The following CDH13 variants were observed in gnomAD, a reference collection of about 807,000 sequenced individuals.
The protein encoded by CDH13 is cadherin-13.
Under a neutral mutation model 63.8 loss-of-function variants are expected in CDH13, and 24 were observed. The observed-to-expected ratio is 0.38, with a 90% CI of 0.27 to 0.53. CDH13 has a LOEUF of 0.53. Among genes scored for constraint, CDH13 ranks in the 20% least tolerant of loss-of-function variants. The pLI is 0.85. For missense variants in CDH13, 1,049 were observed against 903.1 expected, an observed-to-expected ratio of 1.16 and a Z score of -2.07; for synonymous variants, 503 against 355.3, an observed-to-expected ratio of 1.42 and a Z score of -4.67.
At chr16:82,738,427 T>C (rs1413127291) in intron 1 of CDH13, among the ~76,000 whole-genome samples, 2 of 152,136 alleles carry the variant, frequency 1.3e-5, no homozygotes. Context: ...TCACCTGAAA[T>C]CTCTCTCATT....
chr16:83,554,991 C>T (rs2075575359), intron 7 of CDH13, among the ~76,000 whole-genome samples: 1 of 151,374 alleles, frequency 6.6e-6, no homozygotes, highest in Non-Finnish European at 1.5e-5. Context: ...GAGGCCACCC[C>T]TGTGCCACAC....
At chr16:83,770,494 G>A (rs1433254317) in intron 11 of CDH13, among the ~76,000 whole-genome samples, 4 of 152,278 alleles carry the variant, frequency 2.6e-5, no homozygotes, top group South Asian at 2.1e-4. Context: ...TAGATCTCAC[G>A]CAAGAAAGAA....
At position 83,718,893 on chromosome 16, in the gene CDH13, A is replaced by G. The variant is rs1909302026; in HGVS notation, c.1539-29215A>G. On this transcript the variant is annotated intron_variant, in intron 10 of 13. Coordinates refer to ENST00000567109, the MANE Select transcript of CDH13 (RefSeq NM_001257.5). The stretch of plus-strand genomic sequence containing the variant: ...GAGCTGAGGTATAAGTACCCCAGTC[A>G]TTGGGTGAGGGTTGCTCCTGAGAGA... Among the ~76,000 whole-genome samples, 3 of 152,152 alleles carry G rather than the reference A, an allele frequency of 2.0e-5. No homozygotes were observed. In the South Asian group the frequency reaches 6.2e-4, roughly 32 times the overall value.
At chr16:82,672,794 CACACACAT>C (rs1211620495) in intron 1 of CDH13, among the ~76,000 whole-genome samples, 94 of 148,552 alleles carry the variant, frequency 6.3e-4, no homozygotes, top group African/African-American at 2.2e-3. Context: ...CACACACACA[CACACACAT>C]ACACACACAC....
intron 11 of CDH13, among the ~76,000 whole-genome samples, chr16:83,757,054 A>C (rs1001229640): frequency 2.6e-5 from 4 of 152,242 alleles, no homozygotes; most frequent in Non-Finnish European, 5.9e-5. Context: ...AACGTTTTTA[A>C]CTGCAATTAT....
At chr16:82,829,862 T>C (rs1025829947) in intron 1 of CDH13, among the ~76,000 whole-genome samples, 3 of 152,232 alleles carry the variant, frequency 2.0e-5, no homozygotes, top group Non-Finnish European at 4.4e-5. Flanking sequence ...CTGCTGAAGC[T>C]TTCTCATCAT....
intron 7 of CDH13, among the ~76,000 whole-genome samples, chr16:83,596,875 A>C (rs1907311955): frequency 6.6e-6 from 1 of 152,178 alleles, no homozygotes; most frequent in African/African-American, 2.4e-5. Context: ...ATTACAGAAA[A>C]ATCCCCAAAT....
At chr16:83,189,964 A>C (rs553654725) in intron 4 of CDH13, among the ~76,000 whole-genome samples, 1 of 152,180 alleles carries the variant, frequency 6.6e-6, no homozygotes, top group Admixed American at 6.5e-5. Flanking sequence ...GCCTGCCCCC[A>C]TGTAAGACGT....
At chr16:83,007,748 C>G (rs561396683) in intron 2 of CDH13, among the ~76,000 whole-genome samples, 8 of 151,088 alleles carry the variant, frequency 5.3e-5, no homozygotes, top group African/African-American at 2.0e-4. Flanking sequence ...CACTTGAACC[C>G]AGGAGGCGGG....
rs59677448 is a variant in CDH13 at position 82,896,276 on chromosome 16, A to ATTTT, written c.157+37833_157+37836dup. Among the ~76,000 whole-genome samples, 68 of 87,832 alleles carry ATTTT rather than the reference A, an allele frequency of 7.7e-4. 5 individuals carry two copies. Among genetic ancestry groups the ATTTT allele is most frequent in the Middle Eastern group, 7.4e-3 (1 of 136 alleles). The allele number at this position is 87,832 out of a possible 152,430, so 57.6% of individuals were successfully genotyped here. On this transcript the variant is annotated intron_variant, in intron 2 of 13. Transcript: ENST00000567109. The stretch of plus-strand genomic sequence containing the variant: ...GAGTCTTCTGAGAACTAGGATTAGG[A>ATTTT]TTTTTTTTTTTTTTTTTTTTTTTTT...
intron 11 of CDH13, among the ~76,000 whole-genome samples, chr16:83,758,482 C>T (rs1265088067): frequency 6.6e-6 from 1 of 151,972 alleles, no homozygotes; most frequent in Non-Finnish European, 1.5e-5. Flanking sequence ...ACAGAAGGAG[C>T]TGCTGCTACA....
chr16:82,741,050 A>T (rs2033904171), intron 1 of CDH13, among the ~76,000 whole-genome samples: 1 of 152,084 alleles, frequency 6.6e-6, no homozygotes, highest in South Asian at 2.1e-4. Flanking sequence ...CCTAGTATAC[A>T]TACTCTCTCA....
chr16:82,983,633 G>T (rs959835461), intron 2 of CDH13, among the ~76,000 whole-genome samples: 1 of 152,208 alleles, frequency 6.6e-6, no homozygotes, highest in African/African-American at 2.4e-5. Flanking sequence ...GCTGTGAGAT[G>T]ATGTCACACT....
chr16:83,264,897 T>C (rs889204955), intron 5 of CDH13, among the ~76,000 whole-genome samples: 1 of 152,226 alleles, frequency 6.6e-6, no homozygotes, highest in Non-Finnish European at 1.5e-5. Flanking sequence ...ATTATCCCTT[T>C]ATATTCTAGG....
intron 1 of CDH13, among the ~76,000 whole-genome samples, chr16:82,707,969 G>A (rs895996354): frequency 6.6e-6 from 1 of 152,158 alleles, no homozygotes; most frequent in African/African-American, 2.4e-5. Flanking sequence ...TTGGTCCCTT[G>A]GTGAGAGGCA....
Position 83,243,088 on chromosome 16 carries a change from A to G in CDH13, c.636+25591A>G, listed in dbSNP as rs554841947. Among the ~76,000 whole-genome samples the G allele has an allele frequency of 8.5e-4, 130 of 152,244 alleles. 1 individual carries two copies. The highest frequency in any genetic ancestry group is 2.9e-3 in the African/African-American group (122 of 41,542). On this transcript the variant is annotated intron_variant, in intron 5 of 13. Transcript: ENST00000567109. ...AGTAATTGGTACAGCCAGGACTGGAACCCTGGCCACTTGACTCCAGTGTCC... is the reference window on the plus strand; with the variant it reads ...AGTAATTGGTACAGCCAGGACTGGAGCCCTGGCCACTTGACTCCAGTGTCC...
chr16:83,301,631 C>G (rs1018774866), intron 5 of CDH13, among the ~76,000 whole-genome samples: 1 of 152,122 alleles, frequency 6.6e-6, no homozygotes, highest in African/African-American at 2.4e-5. Context: ...AGCCGTGTTC[C>G]TGGCGCTGGG....
intron 5 of CDH13, among the ~76,000 whole-genome samples, chr16:83,260,186 G>T (rs915265016): frequency 3.3e-5 from 5 of 150,342 alleles, no homozygotes; most frequent in African/African-American, 1.2e-4. Flanking sequence ...TAGTCTATGT[G>T]GTGCTTTGTA....
chr16:83,332,137 C>T (rs2090494606), intron 5 of CDH13, among the ~76,000 whole-genome samples: 2 of 152,000 alleles, frequency 1.3e-5, no homozygotes, highest in African/African-American at 4.8e-5. Flanking sequence ...CAATATATAA[C>T]ATGCTATAAA....
Sources: allele counts gnomAD v4.1 joint callset (sites outside exome capture counted in the v4.1 genomes callset), GRCh38; gene constraint gnomAD v4.1.1; transcripts MANE v1.5; gene names NCBI Gene and HGNC (gene_info 2026-07-23, HGNC 2026-07-21).